Variants in FBXL4 observed in about 807,000 individuals in gnomAD.
The protein encoded by FBXL4 is F-box/LRR-repeat protein 4.
FBXL4 carries 40 observed loss-of-function variants against 58.9 expected under a neutral mutation model. The observed-to-expected ratio is 0.68, with a 90% confidence interval of 0.53 to 0.88. The LOEUF (loss-of-function observed/expected upper bound fraction) is 0.88, where lower values mean the gene tolerates loss of function less well. FBXL4 is among the 40% of genes least tolerant of loss of function. The probability of loss-of-function intolerance (pLI) is 0.00; values close to 1 mark genes in which losing one functional copy is unlikely to be tolerated. For synonymous variants in FBXL4, 263 were observed against 265.5 expected (o/e 0.99, Z 0.09); for missense variants, 676 against 734.4 (o/e 0.92, Z 0.92).
chr6:98,896,972 C>T (rs1334174113), intron 7 of FBXL4: 1 of 985,084 alleles, frequency 1.0e-6, no homozygotes, highest in Non-Finnish European at 1.2e-6. Flanking sequence ...ACACTTAGAT[C>T]ACATTACTAT....
At chr6:98,880,455 G>A in intron 8 of FBXL4, 98 bp downstream of exon 8, 1 of 893,572 alleles carries the variant, frequency 1.1e-6, no homozygotes. Context: ...GAAAAACTGT[G>A]GGTGTGTGTG....
chr6:98,911,962 A>G (rs1424094107), intron 5 of FBXL4, among the ~76,000 whole-genome samples: 1 of 152,212 alleles, frequency 6.6e-6, no homozygotes, highest in Admixed American at 6.5e-5. Flanking sequence ...TAGAATAACC[A>G]ATACAGAGAA....
chr6:98,903,654 T>C (rs144011487), intron 6 of FBXL4, among the ~76,000 whole-genome samples: 239 of 152,294 alleles, frequency 1.6e-3, no homozygotes, highest in Middle Eastern at 3.4e-3. Context: ...TTTCTTCTTA[T>C]AAGTGATGTT....
chr6:98,880,511 G>T, intron 8 of FBXL4, 42 bp downstream of exon 8: 2 of 1,530,372 alleles, frequency 1.3e-6, no homozygotes, highest in South Asian at 1.1e-5. Context: ...AAGAAAAAGA[G>T]AACAAGTAAT....
intron 5 of FBXL4, among the ~76,000 whole-genome samples, chr6:98,915,477 G>A (rs9398966): frequency 1.7e-3 from 253 of 151,498 alleles, no homozygotes; most frequent in African/African-American, 5.9e-3. Context: ...CAGAGATATA[G>A]ATCAATGGAA....
intron 5 of FBXL4, among the ~76,000 whole-genome samples, chr6:98,912,068 G>C (rs1210317527): frequency 6.6e-6 from 1 of 152,182 alleles, no homozygotes; most frequent in Non-Finnish European, 1.5e-5. Flanking sequence ...CTGGAAGAAA[G>C]GTTATCAGTG....
chr6:98,869,191 G>C lies in FBXL4; in HGVS notation c.*5087C>G, dbSNP rs1770429589. ...TAAGGGTAGTTAAAAAAGTTTCTCT[G>C]AAGTATCAATATCAAATGTGCTAAA... On this transcript the variant is annotated 3_prime_UTR_variant, in exon 10 of 10. Coordinates refer to ENST00000369244, the MANE Select transcript of FBXL4 (RefSeq NM_001278716.2). 2 of 152,190 alleles carry C rather than the reference G, an allele frequency of 1.3e-5. No homozygotes were observed. The highest frequency in any genetic ancestry group is 4.8e-5 in the African/African-American group (2 of 41,452). 9.4% of individuals were successfully genotyped at this position (152,190 alleles called of 1,614,324 possible).
chr6:98,874,233 A>T lies in FBXL4; in HGVS notation c.*45T>A. 1 of 1,434,924 alleles carries T rather than the reference A, an allele frequency of 7.0e-7. No individual in the cohort carries two copies. The highest frequency in any genetic ancestry group is 9.2e-7 in the Non-Finnish European group (1 of 1,083,800). 88.9% of individuals were successfully genotyped at this position (1,434,924 alleles called of 1,614,324 possible). A position where few individuals can be genotyped will look rare whatever the true frequency, so the allele number is the denominator to read the frequency against. ...AAACCCAAAACCAATCCCAAAATTA[A>T]ACCCCAACAAAGCACATTAATTTTA... is the stretch of plus-strand genomic sequence containing the variant. On this transcript the variant is annotated 3_prime_UTR_variant, in exon 10 of 10. Coordinates refer to ENST00000369244, the MANE Select transcript of FBXL4 (RefSeq NM_001278716.2).
chr6:98,937,876 G>C (rs1323285841), intron 1 of FBXL4, among the ~76,000 whole-genome samples: 1 of 151,988 alleles, frequency 6.6e-6, no homozygotes, highest in Non-Finnish European at 1.5e-5. Context: ...TTTGTTTTCT[G>C]GCACTGCCTC....
Position 98,926,539 on chromosome 6 carries a change from T to C in FBXL4, c.450A>G (p.Ala150=). 1 of 1,613,976 alleles carries C rather than the reference T, an allele frequency of 6.2e-7. No homozygotes were observed. Among genetic ancestry groups the C allele is most frequent in the Non-Finnish European group, 8.5e-7 (1 of 1,179,916 alleles). ...CAGAACAAGCGAGAATTCTAATGACTGCTCCGGGATGATAGGTTTCTAGAA... is the reference window on the plus strand; with the variant it reads ...CAGAACAAGCGAGAATTCTAATGACCGCTCCGGGATGATAGGTTTCTAGAA... ...VHVLETYHPG[A]VIRILACSAN... is the part of the protein sequence containing the mutation. Residue 150 remains alanine (A), a synonymous_variant, in exon 4 of 10, where the codon GCA becomes GCG. Transcript: ENST00000369244.
chr6:98,926,863 G>A lies in FBXL4; in HGVS notation c.126C>T (p.Ser42=), dbSNP rs895782327. The A allele has an allele frequency of 6.2e-7, 1 of 1,614,128 alleles. No homozygotes were observed. Among genetic ancestry groups the A allele is most frequent in the South Asian group, 1.1e-5 (1 of 91,076 alleles). The change falls in exon 4 of 10, where the codon AGC becomes AGT. Residue 42 remains serine (S), a synonymous_variant. Coordinates refer to ENST00000369244, the MANE Select transcript of FBXL4 (RefSeq NM_001278716.2). The part of the protein sequence containing the change: ...MNTHRAIESN[S]QTSPLNAEVV... ...CCTCTGCATTGAGAGGGGAAGTCTG[G>A]CTGTTTGATTCTATAGCTCTATGGG...
At chr6:98,923,132 AG>A (rs890368088) in intron 4 of FBXL4, among the ~76,000 whole-genome samples, 14 of 152,084 alleles carry the variant, frequency 9.2e-5, no homozygotes, top group African/African-American at 3.4e-4. Context: ...CCATGGTAAA[AG>A]TCTGGCTGGT....
intron 5 of FBXL4, among the ~76,000 whole-genome samples, chr6:98,910,804 CA>C (rs1772018082): frequency 6.6e-6 from 1 of 152,128 alleles, no homozygotes; most frequent in Admixed American, 6.5e-5. Context: ...TTCATCTCAC[CA>C]GGGAGTGCCA....
At chr6:98,895,325 C>A (rs1238261155) in intron 7 of FBXL4, among the ~76,000 whole-genome samples, 2 of 152,058 alleles carry the variant, frequency 1.3e-5, no homozygotes, top group Admixed American at 6.6e-5. Flanking sequence ...GACAAAAAAT[C>A]CGTTTTCCTG....
At chr6:98,928,083 CA>C (rs1482996801) in intron 2 of FBXL4, among the ~76,000 whole-genome samples, 1 of 152,030 alleles carries the variant, frequency 6.6e-6, no homozygotes, top group Non-Finnish European at 1.5e-5. Context: ...TCACTGAGGC[CA>C]AACAGTGTTT....
chr6:98,905,298 A>G, intron 6 of FBXL4, 128 bp downstream of exon 6: 1 of 1,159,466 alleles, frequency 8.6e-7, no homozygotes, highest in South Asian at 1.6e-5. Context: ...GACACTCAAA[A>G]TATATTTCCT....
chr6:98,893,685 A>C (rs1771311749), intron 7 of FBXL4, among the ~76,000 whole-genome samples: 1 of 152,194 alleles, frequency 6.6e-6, no homozygotes, highest in African/African-American at 2.4e-5. Flanking sequence ...TTTCACTTAT[A>C]ATGCCCCAGG....
In FBXL4 at chr6:98,936,916, A is replaced by G. The variant is rs936223360; in HGVS notation, c.-308-2037T>C. Among the ~76,000 whole-genome samples the G allele has an allele frequency of 3.3e-5, 5 of 152,194 alleles. No homozygotes were observed. In the East Asian group the frequency reaches 5.8e-4, roughly 18 times the overall value. On this transcript the variant is annotated intron_variant, in intron 1 of 9. Transcript: ENST00000369244. ...GATTTACCCATGATGCTATGTGTTA[A>G]GAGTAGTTCAGTTCCTTTTTATTCT...
intron 1 of FBXL4, among the ~76,000 whole-genome samples, chr6:98,937,424 T>C (rs560827091): frequency 1.7e-4 from 26 of 152,334 alleles, no homozygotes; most frequent in Admixed American, 9.1e-4. Flanking sequence ...AGTTATATAA[T>C]TTATGCTTAT....
Sources: gnomAD v4.1 joint callset for allele counts (sites outside exome capture counted in the v4.1 genomes callset) on GRCh38, gnomAD v4.1.1 for gene constraint, MANE v1.5 for transcripts, NCBI Gene and HGNC (gene_info 2026-07-23, HGNC 2026-07-21) for gene names.